The following SIPA1L2 variants were observed in gnomAD, a reference collection of about 807,000 sequenced individuals.
SIPA1L2 encodes signal-induced proliferation-associated 1-like protein 2.
A neutral mutation model predicts 163.9 loss-of-function variants in SIPA1L2; 56 were observed. The ratio of observed to expected loss-of-function variants is 0.34; its 90% CI spans 0.28 to 0.43. The LOEUF (loss-of-function observed/expected upper bound fraction) is 0.43. Ranked by LOEUF, SIPA1L2 falls within the 20% of genes least tolerant of loss-of-function variation. The pLI, the probability that SIPA1L2 is intolerant of heterozygous loss-of-function variation, is 1.00. For missense variants in SIPA1L2, 1,974 were observed against 2,193.5 expected (o/e 0.90, Z 2.00); for synonymous variants, 877 against 865.7 (o/e 1.01, Z -0.23).
rs1189437075 is a variant in SIPA1L2 at position 232,514,511 on chromosome 1, G to T, written c.829C>A (p.Pro277Thr). The T allele has an allele frequency of 3.7e-6, 6 of 1,614,070 alleles. No individual in the cohort carries two copies. In the African/African-American group the frequency reaches 4.0e-5, roughly 11 times the overall value. Residue 277 changes from proline (P) to threonine (T), a missense_variant, in exon 3 of 23, where the codon CCT becomes ACT. This residue lies in a region of SIPA1L2 where 607 missense variants were observed against 624.0 expected (regional missense o/e 0.97). Transcript: ENST00000674635. ...ALLMGRDRDKPFKRRLKSESV... is the reference protein window; with the variant it reads ...ALLMGRDRDKTFKRRLKSESV... ...TCTGATTTCAACCTCCGTTTGAAAG[G>T]CTTGTCCCTGTCTCTCCCCATCAGG...
At chr1:232,419,538 T>A (rs923491274) in intron 18 of SIPA1L2, among the ~76,000 whole-genome samples, 2 of 152,210 alleles carry the variant, frequency 1.3e-5, no homozygotes, top group Admixed American at 1.3e-4. Context: ...ATGAGTGAGT[T>A]CTCGTGAGAG....
chr1:232,596,868 T>C (rs1197492981), intron 1 of SIPA1L2, among the ~76,000 whole-genome samples: 2 of 152,068 alleles, frequency 1.3e-5, no homozygotes, highest in Non-Finnish European at 2.9e-5. Flanking sequence ...GATTAGAAAA[T>C]GGTTCATTCC....
chr1:232,626,754 T>C (rs557419665), intron 1 of SIPA1L2, among the ~76,000 whole-genome samples: 4 of 152,322 alleles, frequency 2.6e-5, no homozygotes, highest in African/African-American at 9.6e-5. Context: ...GACATAATCA[T>C]GAAAAATATA....
At chr1:232,402,816 C>T (rs1572844814) in intron 21 of SIPA1L2, 1 of 189,682 alleles carries the variant, frequency 5.3e-6, no homozygotes, top group South Asian at 1.1e-4. Flanking sequence ...CCTATGATAA[C>T]AATATTATGA....
chr1:232,448,760 T>C (rs894312928), intron 10 of SIPA1L2, among the ~76,000 whole-genome samples: 4 of 152,192 alleles, frequency 2.6e-5, no homozygotes, highest in African/African-American at 9.7e-5. Context: ...AAGGGAGATT[T>C]AGGCATAAAA....
chr1:232,595,970 A>G (rs951417122), intron 1 of SIPA1L2, among the ~76,000 whole-genome samples: 2 of 152,178 alleles, frequency 1.3e-5, no homozygotes, highest in African/African-American at 2.4e-5. Flanking sequence ...TCCACTGCCC[A>G]TAGAGCTCAC....
At chr1:232,577,518 T>G (rs1426022338) in intron 1 of SIPA1L2, among the ~76,000 whole-genome samples, 1 of 152,178 alleles carries the variant, frequency 6.6e-6, no homozygotes, top group Admixed American at 6.5e-5. Context: ...CAGATAGCAA[T>G]TCCTCTGGTG....
chr1:232,466,302 A>G (rs1340215270), intron 8 of SIPA1L2, among the ~76,000 whole-genome samples: 2 of 152,220 alleles, frequency 1.3e-5, no homozygotes, highest in East Asian at 3.9e-4. Flanking sequence ...TCACATTTTG[A>G]AAATCTAAAT....
chr1:232,596,470 A>C (rs1219615319), intron 1 of SIPA1L2, among the ~76,000 whole-genome samples: 1 of 152,214 alleles, frequency 6.6e-6, no homozygotes, highest in Non-Finnish European at 1.5e-5. Flanking sequence ...ATCACCAACA[A>C]GGAAGGACCC....
intron 10 of SIPA1L2, among the ~76,000 whole-genome samples, chr1:232,447,039 A>T (rs1663259539): frequency 6.6e-6 from 1 of 152,260 alleles, no homozygotes; most frequent in African/African-American, 2.4e-5. Flanking sequence ...ATAAACAGCA[A>T]GTACTCAGGA....
intron 1 of SIPA1L2, among the ~76,000 whole-genome samples, chr1:232,626,011 G>C (rs1015439602): frequency 6.6e-6 from 1 of 152,066 alleles, no homozygotes; most frequent in African/African-American, 2.4e-5. Flanking sequence ...CCACGAGTGG[G>C]GTAATTTTAA....
At chr1:232,555,707 T>C (rs1218424007) in intron 2 of SIPA1L2, among the ~76,000 whole-genome samples, 1 of 152,212 alleles carries the variant, frequency 6.6e-6, no homozygotes, top group Non-Finnish European at 1.5e-5. Context: ...CCACGGAGCC[T>C]ATGCAGTCTT....
At chr1:232,496,330 G>A (rs1666188643) in intron 3 of SIPA1L2, among the ~76,000 whole-genome samples, 1 of 152,236 alleles carries the variant, frequency 6.6e-6, no homozygotes, top group African/African-American at 2.4e-5. Flanking sequence ...TACCACAGAC[G>A]TACAGGCTAT....
chr1:232,457,985 T>C (rs189279886), intron 10 of SIPA1L2, among the ~76,000 whole-genome samples: 5 of 152,318 alleles, frequency 3.3e-5, no homozygotes, highest in Non-Finnish European at 7.3e-5. Context: ...TTCAGATTCC[T>C]AGAAAATTGG....
At chr1:232,441,735 A>AAGGG (rs1662909410) in intron 13 of SIPA1L2, 33 bp downstream of exon 13, 1 of 1,566,668 alleles carries the variant, frequency 6.4e-7, no homozygotes, top group Non-Finnish European at 8.8e-7. Context: ...AAGGGGGAGC[A>AAGGG]AGGGAGGTCA....
At position 232,425,766 on chromosome 1, in the gene SIPA1L2, G is replaced by A. The variant is rs1558165879; in HGVS notation, c.4453C>T (p.Arg1485Cys). The change falls in exon 18 of 23, where the codon CGC becomes TGC. Residue 1485 changes from arginine to cysteine, a missense_variant. By Grantham distance (180) the Arg-to-Cys change is radical. Coordinates refer to ENST00000674635, the MANE Select transcript of SIPA1L2 (RefSeq NM_020808.5). ...GNLSPRRSLY[R>C]TLSDESICSN... ...CAGATGCTCTCGTCAGACAGCGTGCGGTAAAGCGACCTCCTTGGAGACAGG... is the reference window on the plus strand; with the variant it reads ...CAGATGCTCTCGTCAGACAGCGTGCAGTAAAGCGACCTCCTTGGAGACAGG... The A allele has an allele frequency of 1.9e-6, 3 of 1,614,064 alleles. No homozygotes were observed. The highest frequency in any genetic ancestry group is 1.1e-5 in the South Asian group (1 of 91,044).
upstream of SIPA1L2, among the ~76,000 whole-genome samples, chr1:232,630,161 C>A (rs1310453989): frequency 6.6e-6 from 1 of 151,518 alleles, no homozygotes; most frequent in African/African-American, 2.4e-5. Context: ...TGCCACCGCC[C>A]GCCCGCCCAG....
intron 5 of SIPA1L2, among the ~76,000 whole-genome samples, chr1:232,484,946 G>A (rs1422394991): frequency 2.6e-5 from 4 of 152,162 alleles, no homozygotes; most frequent in African/African-American, 7.2e-5. Context: ...AGCTATCTTA[G>A]TAAAATAAGG....
intron 10 of SIPA1L2, among the ~76,000 whole-genome samples, chr1:232,447,789 C>T (rs1313307765): frequency 6.6e-6 from 1 of 152,172 alleles, no homozygotes; most frequent in Non-Finnish European, 1.5e-5. Flanking sequence ...GAACCTTTAA[C>T]TAATATGCAT....
Sources: gnomAD v4.1 joint callset for allele counts (sites outside exome capture counted in the v4.1 genomes callset) on GRCh38, gnomAD v4.1.1 for gene constraint, gnomAD v4.1.1 regional missense constraint, MANE v1.5 for transcripts, NCBI Gene and HGNC (gene_info 2026-07-23, HGNC 2026-07-21) for gene names.